Variants in LHX2 observed in about 807,000 individuals in gnomAD.
LHX2 encodes LIM/homeobox protein Lhx2.
Under a neutral mutation model 33.0 loss-of-function variants are expected in LHX2, and 6 were observed. The ratio of observed to expected loss-of-function variants is 0.18; its 90% CI spans 0.10 to 0.36. The LOEUF (loss-of-function observed/expected upper bound fraction) is 0.36. Among genes scored for constraint, LHX2 ranks in the 10% least tolerant of loss-of-function variants. LHX2 has a pLI of 1.00. For missense variants in LHX2, 442 were observed against 586.2 expected (o/e 0.75, Z 2.54); for synonymous variants, 292 against 253.1 (o/e 1.15, Z -1.46).
intron 1 of LHX2, 60 bp from the exon 2 acceptor site, chr9:124,013,901 C>T (rs978623629): frequency 2.0e-6 from 3 of 1,528,880 alleles, no homozygotes; most frequent in East Asian, 2.3e-5. Context: ...GGTTTCCCGG[C>T]GGCGGAGGGG....
chr9:124,028,981 G>A (rs182257648), intron 4 of LHX2, among the ~76,000 whole-genome samples: 15 of 152,230 alleles, frequency 9.9e-5, no homozygotes, highest in Non-Finnish European at 1.5e-4. Flanking sequence ...ATGGTGGCGG[G>A]TGCCTGTAAT....
rs142655600 is a variant in LHX2 at position 124,029,138 on chromosome 9, G to T, written c.934-3282G>T. 2.9e-3 allele frequency among the ~76,000 whole-genome samples: 430 copies of T among 150,588 alleles called. 3 individuals are homozygous for T. The highest frequency in any genetic ancestry group is 0.01 in the African/African-American group (409 of 40,112). On this transcript the variant is annotated intron_variant, in intron 4 of 4. Coordinates refer to ENST00000373615, the MANE Select transcript of LHX2 (RefSeq NM_004789.4). ...AAAAATAATAATAATAATAATAATA[G>T]TCAATAAATAAATCTATAAAATGGG...
Position 124,015,345 on chromosome 9 carries a change from C to T in LHX2, c.547C>T (p.His183Tyr). The change falls in exon 3 of 5, where the codon CAT becomes TAT. Residue 183 changes from histidine (H) to tyrosine (Y), a missense_variant. His to Tyr is a moderately conservative substitution (Grantham distance 83). Around this residue, in one of 5 missense-constraint regions of LHX2, gnomAD observed 132 missense variants for 139.1 expected, o/e 0.95. Coordinates refer to ENST00000373615, the MANE Select transcript of LHX2 (RefSeq NM_004789.4). The surrounding 1 kb of genome is among the most constrained non-coding windows in gnomAD (Gnocchi z 7.9). ...GGGCGAGTACCCCGCACACTTCAAC[C>T]ATGCCGACGTGGCAGCGGCGGCCGC... Reference protein sequence around the residue: ...LQGEYPAHFNHADVAAAAAAA... With the variant: ...LQGEYPAHFNYADVAAAAAAA... The T allele has an allele frequency of 6.2e-7, 1 of 1,612,026 alleles. No homozygotes were observed. The highest frequency in any genetic ancestry group is 8.5e-7 in the Non-Finnish European group (1 of 1,178,840).
Position 124,016,487 on chromosome 9 carries a change from A to G in LHX2, c.727+962A>G, listed in dbSNP as rs1011642370. 1.3e-5 allele frequency among the ~76,000 whole-genome samples: 2 copies of G among 152,254 alleles called. No individual in the cohort carries two copies. Among genetic ancestry groups the G allele is most frequent in the Non-Finnish European group, 2.9e-5 (2 of 68,050 alleles). On this transcript the variant is annotated intron_variant, in intron 3 of 4. Transcript: ENST00000373615. The surrounding 1 kb of genome is among the most constrained non-coding windows in gnomAD (Gnocchi z 4.4). Reference sequence around the variant, plus strand: ...TTTCTTTCGTTTGCAACAGAATTAGATTTGGAGATTTTGTGTTCTTCTTCC... The same window carrying G: ...TTTCTTTCGTTTGCAACAGAATTAGGTTTGGAGATTTTGTGTTCTTCTTCC...
rs1859286046 is a variant in LHX2, at chr9:124,021,132, T to A, written c.761T>A (p.Leu254Gln). 6.2e-7 allele frequency: 1 copy of A among 1,614,032 alleles called. No individual in the cohort carries two copies. Reference protein sequence around the residue: ...LSCNENDAEHLDRDQPYPSSQ... With the variant: ...LSCNENDAEHQDRDQPYPSSQ... Reference sequence around the variant, plus strand: ...TGCAACGAAAACGACGCAGAGCACCTGGACCGTGACCAGCCATACCCGAGC... The same window carrying A: ...TGCAACGAAAACGACGCAGAGCACCAGGACCGTGACCAGCCATACCCGAGC... The change falls in exon 4 of 5, where the codon CTG (leucine) becomes CAG (glutamine). Residue 254 changes from leucine to glutamine, a missense_variant. By Grantham distance (113) the Leu-to-Gln change is moderately radical. Transcript: ENST00000373615.
In LHX2 at chr9:124,020,394, G is replaced by T. The variant is rs140637535; in HGVS notation, c.728-705G>T. On this transcript the variant is annotated intron_variant, in intron 3 of 4. Coordinates refer to ENST00000373615, the MANE Select transcript of LHX2 (RefSeq NM_004789.4). ...AGAAACAATCATCTTACAGGGTAGC[G>T]ATGAGGATTAAACTGCAAAATGCAG... Among the ~76,000 whole-genome samples, 467 of 152,284 alleles carry T rather than the reference G, an allele frequency of 3.1e-3. 6 individuals are homozygous for T. Among genetic ancestry groups the T allele is most frequent in the Middle Eastern group, 0.027 (8 of 294 alleles).
Position 124,014,177 on chromosome 9 carries a change from C to A in LHX2, c.323+14C>A. Reference sequence around the variant, plus strand: ...AGACTACTACAGGTAGCCCCCCCACCCAACTGCCCCTCAGGACCCCTCCCC... The same window carrying A: ...AGACTACTACAGGTAGCCCCCCCACACAACTGCCCCTCAGGACCCCTCCCC... On this transcript the variant is annotated intron_variant, in intron 2 of 4. Coordinates refer to ENST00000373615, the MANE Select transcript of LHX2 (RefSeq NM_004789.4). This position sits in a 1 kb window ranked among gnomAD's most constrained non-coding sequence, Gnocchi z 4.8. 7.0e-7 allele frequency: 1 copy of A among 1,429,514 alleles called. No individual in the cohort carries two copies. The highest frequency in any genetic ancestry group is 9.4e-7 in the Non-Finnish European group (1 of 1,066,798). 88.6% of individuals were successfully genotyped at this position (1,429,514 alleles called of 1,614,324 possible).
Position 124,014,202 on chromosome 9 carries a change from C to T in LHX2, c.323+39C>T, listed in dbSNP as rs763004416. 7.2e-7 allele frequency: 1 copy of T among 1,390,202 alleles called. No homozygotes were observed. Among genetic ancestry groups the T allele is most frequent in the Non-Finnish European group, 9.9e-7 (1 of 1,005,164 alleles). 86.1% of individuals were successfully genotyped at this position (1,390,202 alleles called of 1,614,324 possible). On this transcript the variant is annotated intron_variant, in intron 2 of 4. Transcript: ENST00000373615. The surrounding 1 kb of genome is among the most constrained non-coding windows in gnomAD (Gnocchi z 4.8). The stretch of plus-strand genomic sequence containing the variant: ...CCAACTGCCCCTCAGGACCCCTCCC[C>T]CCAATCTCAGGCACAGTCTTACAGT...
chr9:124,031,353 G>A (rs962189335), intron 4 of LHX2, among the ~76,000 whole-genome samples: 1 of 151,808 alleles, frequency 6.6e-6, no homozygotes, highest in Non-Finnish European at 1.5e-5. Context: ...GTTCTTTATC[G>A]CATTCCCAGA....
chr9:124,028,162 A>G (rs2118779232), intron 4 of LHX2, among the ~76,000 whole-genome samples: 2 of 152,320 alleles, frequency 1.3e-5, no homozygotes, highest in South Asian at 4.1e-4. Flanking sequence ...TGATGAAAGA[A>G]TTCTGGGGAA....
chr9:124,012,479 G>T lies in LHX2; in HGVS notation c.120+11G>T. 1 of 1,538,918 alleles carries T rather than the reference G, an allele frequency of 6.5e-7. No individual in the cohort carries two copies. The highest frequency in any genetic ancestry group is 8.7e-7 in the Non-Finnish European group (1 of 1,151,216). On this transcript the variant is annotated intron_variant, in intron 1 of 4. Transcript: ENST00000373615. This position sits in a 1 kb window ranked among gnomAD's most constrained non-coding sequence, Gnocchi z 4.3. Reference sequence around the variant, plus strand: ...GGCGACACCGAGACGGTAGGCGCGCGGCTGTGGGGTCGGGGCTGAGAGCTG... The same window carrying T: ...GGCGACACCGAGACGGTAGGCGCGCTGCTGTGGGGTCGGGGCTGAGAGCTG...
At chr9:124,022,913 G>C (rs1344056404) in intron 4 of LHX2, among the ~76,000 whole-genome samples, 2 of 152,166 alleles carry the variant, frequency 1.3e-5, no homozygotes, top group Non-Finnish European at 2.9e-5. Context: ...GGGAGCGTCG[G>C]CCAATGGGAT....
Position 124,015,100 on chromosome 9 carries a change from C to G in LHX2, c.324-22C>G, listed in dbSNP as rs570974921. 3.7e-6 allele frequency: 6 copies of G among 1,607,996 alleles called. No individual in the cohort carries two copies. Among genetic ancestry groups the G allele is most frequent in the African/African-American group, 1.3e-5 (1 of 74,848 alleles). ...TACCCAACCGTGTGTTCCCACAGCC[C>G]CTCCCTCCATGGTCCCTACAGGCGC... is the stretch of plus-strand genomic sequence containing the variant. On this transcript the variant is annotated intron_variant, in intron 2 of 4. Coordinates refer to ENST00000373615, the MANE Select transcript of LHX2 (RefSeq NM_004789.4). The surrounding 1 kb of genome is among the most constrained non-coding windows in gnomAD (Gnocchi z 7.9).
chr9:124,023,930 C>G (rs951009976), intron 4 of LHX2, among the ~76,000 whole-genome samples: 20 of 152,306 alleles, frequency 1.3e-4, no homozygotes, highest in African/African-American at 4.6e-4. Flanking sequence ...ATGCTGTGTA[C>G]CAGGCAGCAT....
chr9:124,026,868 G>T (rs1828634493), intron 4 of LHX2, among the ~76,000 whole-genome samples: 1 of 152,212 alleles, frequency 6.6e-6, no homozygotes, highest in South Asian at 2.1e-4. Flanking sequence ...GCTTCCCTGA[G>T]GAGGAGGTGT....
intron 4 of LHX2, chr9:124,021,854 C>T (rs1859299033): frequency 6.5e-6 from 1 of 153,750 alleles, no homozygotes; most frequent in African/African-American, 2.4e-5. Flanking sequence ...CTCCCAGACT[C>T]TCCTGGAAGC....
rs1859114249 is a variant in LHX2 at position 124,012,703 on chromosome 9, G to T, written c.120+235G>T. On this transcript the variant is annotated intron_variant, in intron 1 of 4. Transcript: ENST00000373615. This position sits in a 1 kb window ranked among gnomAD's most constrained non-coding sequence, Gnocchi z 4.3. ...CTCGGCCCTGGGGGTAGAGGAGAGC[G>T]TTTCTTCCGAACTGGAAGCGAAGTC... Among the ~76,000 whole-genome samples the T allele has an allele frequency of 6.6e-6, 1 of 152,238 alleles. No homozygotes were observed. Among genetic ancestry groups the T allele is most frequent in the African/African-American group, 2.4e-5 (1 of 41,462 alleles).
At position 124,014,009 on chromosome 9, in the gene LHX2, G is replaced by C; in HGVS notation, c.169G>C (p.Gly57Arg). The C allele has an allele frequency of 1.2e-6, 2 of 1,613,498 alleles. No individual in the cohort carries two copies. The highest frequency in any genetic ancestry group is 8.5e-7 in the Non-Finnish European group (1 of 1,180,028). ...SDRAALCAGC[G>R]GKISDRYYLL... ...CCGCGCCGCGCTGTGCGCCGGCTGC[G>C]GGGGCAAGATCTCGGACCGCTACTA... Residue 57 changes from glycine (G) to arginine (R), a missense_variant, in exon 2 of 5, where the codon GGG becomes CGG. Around this residue, in one of 5 missense-constraint regions of LHX2, gnomAD observed 72 missense variants for 171.6 expected, o/e 0.42. Transcript: ENST00000373615. The surrounding 1 kb of genome is among the most constrained non-coding windows in gnomAD (Gnocchi z 4.8).
At chr9:124,019,327 G>T (rs574717570) in intron 3 of LHX2, among the ~76,000 whole-genome samples, 4 of 152,364 alleles carry the variant, frequency 2.6e-5, no homozygotes, top group African/African-American at 9.6e-5. Context: ...CATCTGGGCA[G>T]GGGAAGGGGG....
Sources: allele counts gnomAD v4.1 joint callset (sites outside exome capture counted in the v4.1 genomes callset), GRCh38; gene constraint gnomAD v4.1.1; regional missense constraint gnomAD v4.1.1; non-coding constraint Gnocchi (gnomAD v3.1); transcripts MANE v1.5; gene names NCBI Gene and HGNC (gene_info 2026-07-23, HGNC 2026-07-21).